Variants in CHD9 observed in about 807,000 individuals in gnomAD.
CHD9 encodes the protein ATP-dependent chromatin remodeler CHD9.
Under a neutral mutation model 316.1 loss-of-function variants are expected in CHD9, and 77 were observed. The ratio of observed to expected loss-of-function variants is 0.24; its 90% CI spans 0.20 to 0.29. CHD9 has a LOEUF of 0.29. Among genes scored for constraint, CHD9 ranks in the 10% least tolerant of loss-of-function variants. CHD9 has a pLI of 1.00. For missense variants in CHD9, 2,763 were observed against 3,438.1 expected, an observed-to-expected ratio of 0.80 and a Z score of 4.91; for synonymous variants, 1,129 against 1,158.3, an observed-to-expected ratio of 0.97 and a Z score of 0.51.
At chr16:53,186,724 C>A (rs1248904244) in intron 2 of CHD9, among the ~76,000 whole-genome samples, 1 of 152,098 alleles carries the variant, frequency 6.6e-6, no homozygotes, top group African/African-American at 2.4e-5. Context: ...GGGTGGTTTT[C>A]CCCATCCTGT....
intron 1 of CHD9, among the ~76,000 whole-genome samples, chr16:53,154,764 C>T (rs566632469): frequency 6.6e-6 from 1 of 152,292 alleles, no homozygotes; most frequent in East Asian, 1.9e-4. Flanking sequence ...TCATCTCCTG[C>T]CGTGCAGCCT....
At chr16:53,220,016 A>T (rs1214621133) in intron 3 of CHD9, among the ~76,000 whole-genome samples, 3 of 152,338 alleles carry the variant, frequency 2.0e-5, no homozygotes, top group Non-Finnish European at 2.9e-5. Flanking sequence ...GAACAAGGTC[A>T]TATGGGGTCT....
chr16:53,087,094 T>C (rs1596932857), intron 1 of CHD9, among the ~76,000 whole-genome samples: 1 of 152,172 alleles, frequency 6.6e-6, no homozygotes. Flanking sequence ...AAGCCTGAGA[T>C]GTATTTGCAT....
At chr16:53,315,110 A>T in intron 36 of CHD9, 66 bp downstream of exon 36, 1 of 1,186,140 alleles carries the variant, frequency 8.4e-7, no homozygotes. Flanking sequence ...ATCATGATGA[A>T]GCATAAATTC....
At chr16:53,263,319 A>G (rs2051327766) in intron 20 of CHD9, among the ~76,000 whole-genome samples, 1 of 152,128 alleles carries the variant, frequency 6.6e-6, no homozygotes, top group African/African-American at 2.4e-5. Flanking sequence ...TAACTTTTGG[A>G]TATAATTTAC....
chr16:53,189,861 T>C (rs1033289882), intron 2 of CHD9, among the ~76,000 whole-genome samples: 1 of 152,166 alleles, frequency 6.6e-6, no homozygotes, highest in African/African-American at 2.4e-5. Flanking sequence ...ATCAACAAAA[T>C]AGACGGAAAG....
chr16:53,266,059 G>A (rs2051652192), intron 20 of CHD9, among the ~76,000 whole-genome samples: 1 of 151,128 alleles, frequency 6.6e-6, no homozygotes, highest in East Asian at 1.9e-4. Flanking sequence ...TTTAATAAAT[G>A]TAGAAGGAAT....
In CHD9 at chr16:53,250,172, A is replaced by G. The variant is rs552455815; in HGVS notation, c.3861+106A>G. On this transcript the variant is annotated intron_variant, in intron 17 of 38. Coordinates refer to ENST00000447540, the MANE Select transcript of CHD9 (RefSeq NM_001308319.2). ...TATTTTTATCTGGACAAACTAATGT[A>G]TGTTTCTCTATGAAATATCTGTGCC... 448 of 679,364 alleles carry G rather than the reference A, an allele frequency of 6.6e-4. 2 individuals are homozygous for G. The African/African-American group carries it at 7.5e-3, about 11-fold the overall frequency. 42.1% of individuals were successfully genotyped at this position (679,364 alleles called of 1,614,324 possible). A position where few individuals can be genotyped will look rare whatever the true frequency, so the allele number is the denominator to read the frequency against.
intron 1 of CHD9, among the ~76,000 whole-genome samples, chr16:53,138,438 G>T (rs2039875289): frequency 6.6e-6 from 1 of 152,166 alleles, no homozygotes; most frequent in Non-Finnish European, 1.5e-5. Flanking sequence ...AAACTTACAT[G>T]TCGTATTAAA....
intron 4 of CHD9, among the ~76,000 whole-genome samples, chr16:53,223,251 C>CTT (rs58315231): frequency 2.9e-4 from 41 of 139,000 alleles, no homozygotes; most frequent in South Asian, 6.7e-4. Context: ...TGCATTTTGC[C>CTT]TTTTTTTTTT....
intron 2 of CHD9, chr16:53,208,540 A>T (rs2046068708): frequency 9.6e-7 from 1 of 1,045,334 alleles, no homozygotes; most frequent in African/African-American, 1.7e-5. Context: ...CATTTTAGTG[A>T]GCAATTCTAA....
At chr16:53,179,843 G>A (rs1327413583) in intron 2 of CHD9, among the ~76,000 whole-genome samples, 1 of 151,264 alleles carries the variant, frequency 6.6e-6, no homozygotes, top group Non-Finnish European at 1.5e-5. Flanking sequence ...GTTGCAGTGA[G>A]CCGAGATGAC....
At chr16:53,221,357 G>A (rs58100544) in intron 3 of CHD9, among the ~76,000 whole-genome samples, 5,094 of 152,270 alleles carry the variant, frequency 0.033, 300 homozygotes, top group African/African-American at 0.12. Flanking sequence ...TGTTTTCAAA[G>A]TGCATGCTCT....
At chr16:53,190,422 A>C (rs2044386317) in intron 2 of CHD9, among the ~76,000 whole-genome samples, 1 of 152,082 alleles carries the variant, frequency 6.6e-6, no homozygotes, top group Non-Finnish European at 1.5e-5. Flanking sequence ...CTTTATCATG[A>C]CGCGCCAAGG....
chr16:53,307,988 C>T (rs1340779572), intron 33 of CHD9, 35 bp downstream of exon 33: 2 of 1,536,360 alleles, frequency 1.3e-6, no homozygotes, highest in South Asian at 1.2e-5. Flanking sequence ...GGCCTGATTG[C>T]GATTGCGGTG....
chr16:53,094,157 G>A (rs975407141), intron 1 of CHD9, among the ~76,000 whole-genome samples: 3 of 152,218 alleles, frequency 2.0e-5, no homozygotes, highest in Non-Finnish European at 4.4e-5. Context: ...GAGCAGGAGA[G>A]AAGGTGTCTA....
intron 1 of CHD9, among the ~76,000 whole-genome samples, chr16:53,064,406 G>T (rs1329565371): frequency 6.6e-6 from 1 of 152,094 alleles, no homozygotes; most frequent in Non-Finnish European, 1.5e-5. Flanking sequence ...GTTTCCCACA[G>T]CTCATTCCAG....
intron 1 of CHD9, among the ~76,000 whole-genome samples, chr16:53,061,243 A>G (rs544543229): frequency 6.6e-6 from 1 of 152,270 alleles, no homozygotes; most frequent in South Asian, 2.1e-4. Flanking sequence ...CTGTCTCTTT[A>G]AAACAAAAAA....
At chr16:53,303,657 A>G in intron 30 of CHD9, 63 bp from the exon 31 acceptor site, 1 of 1,182,412 alleles carries the variant, frequency 8.5e-7, no homozygotes, top group Non-Finnish European at 1.2e-6. Context: ...TGTATTTATA[A>G]TGATTTATTT....
Sources: gnomAD v4.1 joint callset for allele counts (sites outside exome capture counted in the v4.1 genomes callset) on GRCh38, gnomAD v4.1.1 for gene constraint, MANE v1.5 for transcripts, NCBI Gene and HGNC (gene_info 2026-07-23, HGNC 2026-07-21) for gene names.